The following LPP variants were observed in gnomAD, a reference collection of about 807,000 sequenced individuals.
LPP encodes the protein LIM domain containing preferred translocation partner in lipoma.
Under a neutral mutation model 60.4 loss-of-function variants are expected in LPP, and 38 were observed. That is an observed-to-expected ratio of 0.63 (90% CI 0.49 to 0.83). The LOEUF is 0.83. LPP is among the 40% of genes least tolerant of loss of function. LPP has a pLI of 0.00. For missense variants in LPP, 902 were observed against 783.6 expected (o/e 1.15, Z -1.80); for synonymous variants, 328 against 290.8 (o/e 1.13, Z -1.30).
rs1216119930 is a variant in LPP, at chr3:188,779,443, A to G, written c.1410+19161A>G. 2.0e-5 allele frequency among the ~76,000 whole-genome samples: 3 copies of G among 152,326 alleles called. No homozygotes were observed. In the East Asian group the frequency reaches 5.8e-4, roughly 29 times the overall value. ...GCACACGCAAGGACCCTTCAAACTC[A>G]TCACATGTGCCGTTTGGTTCCCTTT... On this transcript the variant is annotated intron_variant, in intron 9 of 11. Transcript: ENST00000617246.
intron 5 of LPP, among the ~76,000 whole-genome samples, chr3:188,507,859 A>T (rs1209289200): frequency 6.6e-6 from 1 of 152,226 alleles, no homozygotes; most frequent in African/African-American, 2.4e-5. Flanking sequence ...TGTCCTTGGT[A>T]AAAGTTTCCC....
In LPP at chr3:188,585,351, G is replaced by A. The variant is rs116461532; in HGVS notation, c.430-23810G>A. Among the ~76,000 whole-genome samples, 150 of 152,140 alleles carry A rather than the reference G, an allele frequency of 9.9e-4. 1 individual carries two copies. Among genetic ancestry groups the A allele is most frequent in the Non-Finnish European group, 1.8e-3 (120 of 68,002 alleles). On this transcript the variant is annotated intron_variant, in intron 6 of 11. Transcript: ENST00000617246. ...CTCTTAAGATGCATCATTTTATGTT[G>A]GGATCTATCAGTTTATTTTACTTGT...
rs1729945814 is a variant in LPP, at chr3:188,755,786, G to A, written c.1241-4327G>A. Among the ~76,000 whole-genome samples the A allele has an allele frequency of 6.3e-5, 6 of 95,690 alleles. No individual in the cohort carries two copies. The South Asian group carries it at 2.2e-3, about 35-fold the overall frequency. 62.8% of individuals were successfully genotyped at this position (95,690 alleles called of 152,430 possible). Reference sequence around the variant, plus strand: ...GATCGCACTACTGCCCTCCAGCCTGGGCAACAGAGTGAGATCCTGTCACAA... The same window carrying A: ...GATCGCACTACTGCCCTCCAGCCTGAGCAACAGAGTGAGATCCTGTCACAA... On this transcript the variant is annotated intron_variant, in intron 8 of 11. Transcript: ENST00000617246.
intron 1 of LPP, among the ~76,000 whole-genome samples, chr3:188,172,762 T>C (rs2148818235): frequency 6.6e-6 from 1 of 152,346 alleles, no homozygotes; most frequent in South Asian, 2.1e-4. Context: ...TCCAAACTAT[T>C]TAGATTTCAC....
At chr3:188,317,430 C>T (rs533937183) in intron 2 of LPP, among the ~76,000 whole-genome samples, 85 of 152,210 alleles carry the variant, frequency 5.6e-4, no homozygotes, top group African/African-American at 1.9e-3. Context: ...CAAAAATTTT[C>T]GTTATGGCCT....
At chr3:188,225,807 C>T (rs145446726) in intron 2 of LPP, among the ~76,000 whole-genome samples, 106 of 152,230 alleles carry the variant, frequency 7.0e-4, no homozygotes, top group African/African-American at 2.0e-3. Context: ...TTTGGAGTAA[C>T]GATGATTTCA....
At position 188,369,680 on chromosome 3, in the gene LPP, A is replaced by G. The variant is rs1262245721; in HGVS notation, c.-10+27961A>G. Among the ~76,000 whole-genome samples, 4 of 152,112 alleles carry G rather than the reference A, an allele frequency of 2.6e-5. No homozygotes were observed. In the East Asian group the frequency reaches 7.7e-4, roughly 29 times the overall value. Reference sequence around the variant, plus strand: ...GTGCTTTCCGTCGATAAGCTCACTTAATTCTGACAGCAACTCTAGTGTACC... The same window carrying G: ...GTGCTTTCCGTCGATAAGCTCACTTGATTCTGACAGCAACTCTAGTGTACC... On this transcript the variant is annotated intron_variant, in intron 3 of 11. Transcript: ENST00000617246.
chr3:188,442,462 T>C (rs1388061870), intron 4 of LPP, among the ~76,000 whole-genome samples: 2 of 152,230 alleles, frequency 1.3e-5, no homozygotes, highest in Non-Finnish European at 2.9e-5. Context: ...CTACGTATTT[T>C]CTCTGTTCTC....
chr3:188,760,989 C>G (rs1435078447), intron 9 of LPP, among the ~76,000 whole-genome samples: 1 of 151,646 alleles, frequency 6.6e-6, no homozygotes, highest in Non-Finnish European at 1.5e-5. Context: ...CTTACTTAAT[C>G]TACCTGTTAA....
intron 9 of LPP, among the ~76,000 whole-genome samples, chr3:188,766,378 C>CAAAACAAAAAAAAAAAAAAAAAAA (rs1734133579): frequency 8.0e-6 from 1 of 124,670 alleles, no homozygotes; most frequent in Non-Finnish European, 1.7e-5. Context: ...CCTTAAAAAG[C>CAAAACAAAAAAAAAAAAAAAAAAA]AAAAAAAAAA....
At chr3:188,371,412 G>A (rs1044539602) in intron 3 of LPP, among the ~76,000 whole-genome samples, 1 of 151,216 alleles carries the variant, frequency 6.6e-6, no homozygotes, top group African/African-American at 2.4e-5. Context: ...GGGGAGATTT[G>A]TTAATTCTGT....
At chr3:188,342,840 A>G (rs1294284667) in intron 3 of LPP, among the ~76,000 whole-genome samples, 1 of 152,208 alleles carries the variant, frequency 6.6e-6, no homozygotes, top group African/African-American at 2.4e-5. Flanking sequence ...AAGGTAGGTT[A>G]TGTATGGACT....
At chr3:188,637,247 C>G (rs1182393347) in intron 7 of LPP, among the ~76,000 whole-genome samples, 2 of 152,192 alleles carry the variant, frequency 1.3e-5, no homozygotes, top group African/African-American at 4.8e-5. Flanking sequence ...ACTGACCAAC[C>G]TGCTCCTGAA....
At chr3:188,517,816 T>C (rs2114235) in intron 5 of LPP, among the ~76,000 whole-genome samples, 148,759 of 152,176 alleles carry the variant, frequency 0.98, 72,799 homozygotes, top group East Asian at 1. Context: ...TCCCATAACA[T>C]GGGGAGTTAT....
intron 6 of LPP, among the ~76,000 whole-genome samples, chr3:188,538,091 G>T (rs1208771275): frequency 1.3e-5 from 2 of 152,112 alleles, no homozygotes; most frequent in Non-Finnish European, 2.9e-5. Flanking sequence ...AAATGTAAAG[G>T]ATAAAACTAT....
chr3:188,246,113 C>T lies in LPP; in HGVS notation c.-67+20586C>T, dbSNP rs1237481215. Among the ~76,000 whole-genome samples the T allele has an allele frequency of 3.9e-5, 6 of 152,066 alleles. No individual in the cohort carries two copies. The East Asian group carries it at 1.2e-3, about 29-fold the overall frequency. ...TCTGCTTTTTAATTGTTTTATCATC[C>T]CAGACATGTTTCTCTATTCCTGTCT... On this transcript the variant is annotated intron_variant, in intron 2 of 11. Coordinates refer to ENST00000617246, the MANE Select transcript of LPP (RefSeq NM_001375462.1).
At chr3:188,389,885 C>T (rs1485141178) in intron 3 of LPP, among the ~76,000 whole-genome samples, 2 of 152,054 alleles carry the variant, frequency 1.3e-5, no homozygotes, top group African/African-American at 4.8e-5. Context: ...CTGCCTATCC[C>T]CTCTGGGTCC....
chr3:188,342,507 A>G (rs1394701279), intron 3 of LPP, among the ~76,000 whole-genome samples: 1 of 152,224 alleles, frequency 6.6e-6, no homozygotes, highest in Non-Finnish European at 1.5e-5. Context: ...ACTGTGTTTT[A>G]TGTAATGTAA....
At chr3:188,438,658 A>C (rs966939059) in intron 4 of LPP, among the ~76,000 whole-genome samples, 5 of 152,110 alleles carry the variant, frequency 3.3e-5, no homozygotes, top group Admixed American at 6.6e-5. Context: ...TAGGTTTTTG[A>C]ACTTATTAGG....
Sources: allele counts gnomAD v4.1 joint callset (sites outside exome capture counted in the v4.1 genomes callset), GRCh38; gene constraint gnomAD v4.1.1; transcripts MANE v1.5; gene names NCBI Gene and HGNC (gene_info 2026-07-23, HGNC 2026-07-21).